The following TBKBP1 variants were observed in gnomAD, a reference collection of about 807,000 sequenced individuals.
TBKBP1 encodes TBK1 binding protein 1.
TBKBP1 carries 47 observed loss-of-function variants against 69.9 expected under a neutral mutation model. That is an observed-to-expected ratio of 0.67 (90% CI 0.53 to 0.86). TBKBP1 has a LOEUF of 0.86. Among genes scored for constraint, TBKBP1 ranks in the 40% least tolerant of loss-of-function variants. The pLI is 0.00. For synonymous variants in TBKBP1, 418 were observed against 390.3 expected (o/e 1.07, Z -0.84); for missense variants, 831 against 858.6 (o/e 0.97, Z 0.40).
chr17:47,709,254 C>T lies in TBKBP1; in HGVS notation c.1521C>T (p.Arg507=). 6.6e-7 allele frequency: 1 copy of T among 1,522,250 alleles called. No homozygotes were observed. The highest frequency in any genetic ancestry group is 8.7e-7 in the Non-Finnish European group (1 of 1,143,640). 94.3% of individuals were successfully genotyped at this position (1,522,250 alleles called of 1,614,324 possible). A position where few individuals can be genotyped will look rare whatever the true frequency, so the allele number is the denominator to read the frequency against. The change falls in exon 9 of 10, where the codon CGC becomes CGT. Residue 507 remains arginine, a synonymous_variant. Transcript: ENST00000578982. ...CTGGCAGGCCCCTCAGCCCGCGGCG[C>T]GCCTTCGAGGGCATCCGGCTGCGCT... is the stretch of plus-strand genomic sequence containing the variant. The part of the protein sequence containing the change: ...YGPGRPLSPR[R]AFEGIRLRFE...
intron 4 of TBKBP1, 117 bp downstream of exon 4, chr17:47,697,310 A>C: frequency 2.3e-6 from 2 of 863,052 alleles, no homozygotes; most frequent in Non-Finnish European, 3.7e-6. Flanking sequence ...CCCATGTGTC[A>C]CACATCACTT....
In TBKBP1 at chr17:47,709,398, C is replaced by G; in HGVS notation, c.1665C>G (p.Pro555=). The G allele has an allele frequency of 6.5e-7, 1 of 1,536,558 alleles. No individual in the cohort carries two copies. Among genetic ancestry groups the G allele is most frequent in the Non-Finnish European group, 8.7e-7 (1 of 1,149,106 alleles). Reference sequence around the variant, plus strand: ...CGGGCTTCCCCATCCCCGAGTCGCCCGCCGCCACCGCCTACGCCCACGCCG... The same window carrying G: ...CGGGCTTCCCCATCCCCGAGTCGCCGGCCGCCACCGCCTACGCCCACGCCG... ...FCAGFPIPES[P]AATAYAHAEH... The change falls in exon 9 of 10, where the codon CCC becomes CCG. Residue 555 remains proline (P), a synonymous_variant. Transcript: ENST00000578982.
At chr17:47,698,856 C>A in intron 5 of TBKBP1, 81 bp downstream of exon 5, 1 of 1,271,314 alleles carries the variant, frequency 7.9e-7, no homozygotes. Context: ...ACTTACTTAC[C>A]ATCCCATTTG....
chr17:47,707,664 T>C (rs2143343902), intron 7 of TBKBP1, among the ~76,000 whole-genome samples: 1 of 152,332 alleles, frequency 6.6e-6, no homozygotes, highest in Non-Finnish European at 1.5e-5. Flanking sequence ...GATCTCAGTG[T>C]TAAGGCCCTG....
rs2031258240 is a variant in TBKBP1, at chr17:47,696,719, G to C, written c.234G>C (p.Leu78=). ...CTCCACCCCACCTGCAGTACCCACT[G>C]ATCAGTGACTTTGGAGAGGAGCATG... ...RLKVYEIKYP[L]ISDFGEEHGF... Residue 78 remains leucine, a synonymous_variant, in exon 3 of 10, where the codon CTG becomes CTC. Coordinates refer to ENST00000578982, the MANE Select transcript of TBKBP1 (RefSeq NM_001394755.1). 1.2e-6 allele frequency: 2 copies of C among 1,613,808 alleles called. No individual in the cohort carries two copies. Among genetic ancestry groups the C allele is most frequent in the Non-Finnish European group, 1.7e-6 (2 of 1,179,856 alleles).
rs374102880 is a variant in TBKBP1, at chr17:47,697,204, G to T, written c.453+11G>T. 1.2e-6 allele frequency: 2 copies of T among 1,607,728 alleles called. No homozygotes were observed. Among genetic ancestry groups the T allele is most frequent in the Non-Finnish European group, 1.7e-6 (2 of 1,176,518 alleles). On this transcript the variant is annotated intron_variant, in intron 4 of 9. Transcript: ENST00000578982. ...GAGCTGAGGGAGATGGTGAGGCCTG[G>T]GGAGCCGGAGGTGCTTGAGGATGTG... is the stretch of plus-strand genomic sequence containing the variant.
intron 7 of TBKBP1, among the ~76,000 whole-genome samples, chr17:47,705,827 C>T (rs896749597): frequency 6.6e-6 from 1 of 152,216 alleles, no homozygotes; most frequent in Non-Finnish European, 1.5e-5. Context: ...GAGGTCAAGT[C>T]AATCACCTTG....
At position 47,709,014 on chromosome 17, in the gene TBKBP1, G is replaced by T; in HGVS notation, c.1281G>T (p.Arg427=). The change falls in exon 9 of 10, where the codon CGG becomes CGT. Residue 427 remains arginine (R), a synonymous_variant. Transcript: ENST00000578982. ...VPPSCPAPQP[R]PPPPPPPGER... is the part of the protein sequence containing the mutation. ...CCAGCTGCCCGGCCCCGCAGCCCCG[G>T]CCACCGCCGCCGCCCCCGCCGGGCG... The T allele has an allele frequency of 8.5e-7, 1 of 1,181,710 alleles. No individual in the cohort carries two copies. Among genetic ancestry groups the T allele is most frequent in the Non-Finnish European group, 1.0e-6 (1 of 952,978 alleles). 73.2% of individuals were successfully genotyped at this position (1,181,710 alleles called of 1,614,324 possible). A position where few individuals can be genotyped will look rare whatever the true frequency, so the allele number is the denominator to read the frequency against.
intron 7 of TBKBP1, among the ~76,000 whole-genome samples, chr17:47,701,574 T>G (rs1033301466): frequency 2.6e-5 from 4 of 152,100 alleles, no homozygotes; most frequent in African/African-American, 9.7e-5. Flanking sequence ...CCAGGGGCCT[T>G]TCTTTACTGA....
intron 7 of TBKBP1, among the ~76,000 whole-genome samples, chr17:47,706,488 G>A (rs749311058): frequency 2.6e-5 from 4 of 152,170 alleles, no homozygotes; most frequent in Non-Finnish European, 5.9e-5. Context: ...GGGCTGAGAT[G>A]TGATGGGATG....
At chr17:47,697,361 C>T (rs575216051) in intron 4 of TBKBP1, among the ~76,000 whole-genome samples, 168 bp downstream of exon 4, 2 of 152,262 alleles carry the variant, frequency 1.3e-5, no homozygotes, top group Admixed American at 6.5e-5. Flanking sequence ...TGTGAGTGCC[C>T]GCCCATTTGC....
At chr17:47,695,084 G>A (rs1302286958) in intron 1 of TBKBP1, among the ~76,000 whole-genome samples, 1 of 152,054 alleles carries the variant, frequency 6.6e-6, no homozygotes, top group Non-Finnish European at 1.5e-5. Context: ...CGGCCCGGAC[G>A]TGCCACCCTG....
chr17:47,697,081 T>C lies in TBKBP1; in HGVS notation c.349-8T>C. 1 of 1,607,306 alleles carries C rather than the reference T, an allele frequency of 6.2e-7. No homozygotes were observed. The highest frequency in any genetic ancestry group is 1.3e-5 in the African/African-American group (1 of 74,930). ...ACCCTGTGGTGGGGCCCTCTGGGCC[T>C]CATCCAGTTACAGAAGAACAAGGAG... is the stretch of plus-strand genomic sequence containing the variant. On this transcript the variant is annotated splice_polypyrimidine_tract_variant and splice_region_variant and intron_variant, in intron 3 of 9. Coordinates refer to ENST00000578982, the MANE Select transcript of TBKBP1 (RefSeq NM_001394755.1).
chr17:47,699,389 C>A lies in TBKBP1; in HGVS notation c.704C>A (p.Ala235Asp). The change falls in exon 6 of 10, where the codon GCC (alanine) becomes GAC (aspartate). Residue 235 changes from alanine (A) to aspartate (D), a missense_variant. Transcript: ENST00000578982. ...ERRRLEEALE[A>D]AQGEARGAQL... is the part of the protein sequence containing the mutation. ...CGGCGGCTAGAAGAGGCTTTGGAGG[C>A]CGCGCAGGGAGAGGCCCGGGGGGCT... The A allele has an allele frequency of 1.3e-6, 2 of 1,565,602 alleles. No homozygotes were observed. Among genetic ancestry groups the A allele is most frequent in the Non-Finnish European group, 1.7e-6 (2 of 1,160,724 alleles).
At chr17:47,695,987 GCCGGC>G in intron 1 of TBKBP1, 87 bp from the exon 2 acceptor site, 1 of 721,370 alleles carries the variant, frequency 1.4e-6, no homozygotes, top group South Asian at 1.9e-5. Context: ...TTGCATCTTA[GCCGGC>G]CCCAGGGAGT....
intron 5 of TBKBP1, among the ~76,000 whole-genome samples, chr17:47,699,061 G>A (rs1175482339): frequency 6.6e-6 from 1 of 152,126 alleles, no homozygotes; most frequent in Non-Finnish European, 1.5e-5. Context: ...ACTAGGAGAG[G>A]CCCTTGCAGA....
rs775650650 is a variant in TBKBP1, at chr17:47,709,268, T to A, written c.1535T>A (p.Ile512Asn). The A allele has an allele frequency of 9.2e-6, 14 of 1,523,554 alleles. No homozygotes were observed. The highest frequency in any genetic ancestry group is 1.2e-5 in the Non-Finnish European group (14 of 1,143,922). 94.4% of individuals were successfully genotyped at this position (1,523,554 alleles called of 1,614,324 possible). The change falls in exon 9 of 10, where the codon ATC (isoleucine) becomes AAC (asparagine). Residue 512 changes from isoleucine to asparagine, a missense_variant. By Grantham distance (149) the Ile-to-Asn change is moderately radical. Coordinates refer to ENST00000578982, the MANE Select transcript of TBKBP1 (RefSeq NM_001394755.1). ...AGCCCGCGGCGCGCCTTCGAGGGCATCCGGCTGCGCTTCGAGAAGCAGCCG... is the reference window on the plus strand; with the variant it reads ...AGCCCGCGGCGCGCCTTCGAGGGCAACCGGCTGCGCTTCGAGAAGCAGCCG... Reference protein sequence around the residue: ...PLSPRRAFEGIRLRFEKQPSE... With the variant: ...PLSPRRAFEGNRLRFEKQPSE...
rs189534265 is a variant in TBKBP1, at chr17:47,706,293, G to A, written c.873-2101G>A. On this transcript the variant is annotated intron_variant, in intron 7 of 9. Coordinates refer to ENST00000578982, the MANE Select transcript of TBKBP1 (RefSeq NM_001394755.1). ...CCTGCCCTCCAAAAACCGCCAGTCT[G>A]ATGGGGGACACACAGCTCCTGCCCA... Among the ~76,000 whole-genome samples, 30 of 152,290 alleles carry A rather than the reference G, an allele frequency of 2.0e-4. No individual in the cohort carries two copies. The East Asian group carries it at 5.2e-3, about 26-fold the overall frequency.
intron 1 of TBKBP1, chr17:47,694,593 C>G (rs1461008027): frequency 6.6e-6 from 1 of 152,262 alleles, no homozygotes; most frequent in Non-Finnish European, 1.5e-5. Context: ...CACCCCTTCC[C>G]CAGCCGCCTT....
Sources: allele counts gnomAD v4.1 joint callset (sites outside exome capture counted in the v4.1 genomes callset), GRCh38; gene constraint gnomAD v4.1.1; transcripts MANE v1.5; gene names NCBI Gene and HGNC (gene_info 2026-07-23, HGNC 2026-07-21).